LIMCH1: variants seen among roughly 807,000 people sequenced by gnomAD.
The protein encoded by LIMCH1 is LIM and calponin homology domains 1, also known as LIM and calponin homology domains-containing protein 1.
LIMCH1 carries 113 observed loss-of-function variants against 176.5 expected under a neutral mutation model. The ratio of observed to expected loss-of-function variants is 0.64; its 90% CI spans 0.55 to 0.75. LIMCH1 has a LOEUF of 0.75. Among genes scored for constraint, LIMCH1 ranks in the 30% least tolerant of loss-of-function variants. LIMCH1 has a pLI of 0.00. For missense variants in LIMCH1, 1,674 were observed against 1,814.9 expected, an observed-to-expected ratio of 0.92 and a Z score of 1.41; for synonymous variants, 619 against 645.9, an observed-to-expected ratio of 0.96 and a Z score of 0.63.
intron 31 of LIMCH1, among the ~76,000 whole-genome samples, 200 bp from the exon 32 acceptor site, chr4:41,696,960 C>T (rs984038342): frequency 2.0e-5 from 3 of 152,218 alleles, no homozygotes; most frequent in Middle Eastern, 3.4e-3. Flanking sequence ...CTTAAGAGCC[C>T]GGATTTCAAA....
Position 41,619,371 on chromosome 4 carries a change from CAG to C in LIMCH1, c.398_399del (p.Glu133GlyfsTer23), listed in dbSNP as rs2092389552. 2.5e-6 allele frequency: 4 copies of C among 1,613,892 alleles called. No individual in the cohort carries two copies. The highest frequency in any genetic ancestry group is 2.5e-6 in the Non-Finnish European group (3 of 1,180,040). Reference sequence around the variant, plus strand: ...CCCGCGCCTCTGAGAAAGAAGAAAGCAGAGAGAGAGGAATACCGCAAGAGCTG... The same window carrying C: ...CCCGCGCCTCTGAGAAAGAAGAAAGCAGAGAGAGGAATACCGCAAGAGCTG... On this transcript the variant is annotated frameshift_variant, in exon 6 of 32. Coordinates refer to ENST00000503057, the MANE Select transcript of LIMCH1 (RefSeq NM_001330672.2). LOFTEE classifies it high-confidence loss of function.
intron 1 of LIMCH1, among the ~76,000 whole-genome samples, chr4:41,403,635 G>A (rs1434727469): frequency 6.6e-6 from 1 of 152,150 alleles, no homozygotes; most frequent in East Asian, 1.9e-4. Flanking sequence ...TTTGTGTTTG[G>A]TTACTCTCCA....
chr4:41,372,213 G>A (rs1304907822), intron 1 of LIMCH1, among the ~76,000 whole-genome samples: 2 of 152,088 alleles, frequency 1.3e-5, no homozygotes, highest in Admixed American at 6.5e-5. Context: ...CCACCTTTTT[G>A]TGTAATCTTC....
intron 1 of LIMCH1, among the ~76,000 whole-genome samples, chr4:41,409,583 A>G (rs1391173587): frequency 6.6e-6 from 1 of 152,210 alleles, no homozygotes; most frequent in Non-Finnish European, 1.5e-5. Context: ...ACCTAAATGC[A>G]TCTATGTTAG....
chr4:41,409,031 C>T (rs1225141769), intron 1 of LIMCH1, among the ~76,000 whole-genome samples: 1 of 152,126 alleles, frequency 6.6e-6, no homozygotes, highest in Non-Finnish European at 1.5e-5. Context: ...TTTGCTCATC[C>T]TGACTCGCTG....
chr4:41,644,416 C>A, intron 14 of LIMCH1, 84 bp from the exon 15 acceptor site: 12 of 1,398,158 alleles, frequency 8.6e-6, no homozygotes, highest in Non-Finnish European at 1.1e-5. Flanking sequence ...CGGTAGCGCC[C>A]CCACGCGGCA....
chr4:41,644,946 T>C (rs907505524), intron 15 of LIMCH1, among the ~76,000 whole-genome samples: 4 of 152,198 alleles, frequency 2.6e-5, no homozygotes, highest in African/African-American at 7.2e-5. Flanking sequence ...AAATTGATCA[T>C]GATGATGATG....
intron 2 of LIMCH1, among the ~76,000 whole-genome samples, chr4:41,501,597 A>C (rs1386873443): frequency 6.6e-6 from 1 of 152,114 alleles, no homozygotes; most frequent in Non-Finnish European, 1.5e-5. Context: ...ATTCTATGAA[A>C]TATTTCAGTT....
chr4:41,461,102 C>CA (rs2065310372), intron 1 of LIMCH1, among the ~76,000 whole-genome samples: 1 of 152,192 alleles, frequency 6.6e-6, no homozygotes, highest in Non-Finnish European at 1.5e-5. Flanking sequence ...TTCTTCTAAA[C>CA]ACCAGCACTT....
At chr4:41,633,838 T>A in intron 13 of LIMCH1, 30 bp downstream of exon 13, 1 of 1,529,146 alleles carries the variant, frequency 6.5e-7, no homozygotes, top group Non-Finnish European at 8.8e-7. Context: ...CCCTTGTGAC[T>A]TTGTTTCTCC....
chr4:41,469,085 G>A (rs2066570464), intron 1 of LIMCH1, among the ~76,000 whole-genome samples: 1 of 152,192 alleles, frequency 6.6e-6, no homozygotes, highest in Non-Finnish European at 1.5e-5. Context: ...AGGGCCAAGA[G>A]TCATCTGTGC....
intron 18 of LIMCH1, among the ~76,000 whole-genome samples, chr4:41,660,910 G>A (rs2094595799): frequency 6.6e-6 from 1 of 152,160 alleles, no homozygotes; most frequent in Non-Finnish European, 1.5e-5. Context: ...GGAGGAGAGG[G>A]AAAAGGAGAG....
chr4:41,699,955 A>T lies in LIMCH1; in HGVS notation c.*2770A>T, dbSNP rs962379662. On this transcript the variant is annotated 3_prime_UTR_variant, in exon 32 of 32. Transcript: ENST00000503057. The stretch of plus-strand genomic sequence containing the variant: ...AAGTATTTATTCTAAAATGCCTCTG[A>T]GAAACAGTAAAAAATAAAAACAACA... 1.3e-5 allele frequency: 2 copies of T among 152,238 alleles called. No homozygotes were observed. Among genetic ancestry groups the T allele is most frequent in the Non-Finnish European group, 2.9e-5 (2 of 68,050 alleles). The allele number at this position is 152,238 out of a possible 1,614,324, so 9.4% of individuals were successfully genotyped here. A position where few individuals can be genotyped will look rare whatever the true frequency, so the allele number is the denominator to read the frequency against.
At chr4:41,475,722 G>C (rs866488965) in intron 1 of LIMCH1, among the ~76,000 whole-genome samples, 1 of 152,048 alleles carries the variant, frequency 6.6e-6, no homozygotes, top group Non-Finnish European at 1.5e-5. Flanking sequence ...GGAGGGTGGG[G>C]GGCAAGGGGA....
At chr4:41,525,261 C>A (rs1272733437) in intron 3 of LIMCH1, among the ~76,000 whole-genome samples, 1 of 152,162 alleles carries the variant, frequency 6.6e-6, no homozygotes, top group Non-Finnish European at 1.5e-5. Flanking sequence ...CACACACACA[C>A]AGAGCAGAGG....
chr4:41,378,999 T>A (rs1413592312), intron 1 of LIMCH1, among the ~76,000 whole-genome samples: 1 of 152,224 alleles, frequency 6.6e-6, no homozygotes, highest in Non-Finnish European at 1.5e-5. Context: ...TTTAGATACT[T>A]GTCAAGAAAA....
At chr4:41,656,920 G>A (rs1562111474) in intron 18 of LIMCH1, among the ~76,000 whole-genome samples, 2 of 152,160 alleles carry the variant, frequency 1.3e-5, no homozygotes, top group Non-Finnish European at 2.9e-5. Context: ...TTGCCCTCCT[G>A]CTTCACATGT....
In LIMCH1 at chr4:41,514,005, T is replaced by TAAAAAA. The variant is rs71198665; in HGVS notation, c.168-10367_168-10362dup. ...TGGGTGATAGAGAGAGACTCCGTCTTAAAAAAAAAAAAAAAAAAAAAAAAA... is the reference window on the plus strand; with the variant it reads ...TGGGTGATAGAGAGAGACTCCGTCTTAAAAAAAAAAAAAAAAAAAAAAAAAAAAAAA... On this transcript the variant is annotated intron_variant, in intron 2 of 26. Coordinates refer to the LIMCH1 transcript ENST00000313860. Among the ~76,000 whole-genome samples, 268 of 48,502 alleles carry TAAAAAA rather than the reference T, an allele frequency of 5.5e-3. 6 individuals carry two copies. Among genetic ancestry groups the TAAAAAA allele is most frequent in the Admixed American group, 0.011 (28 of 2,618 alleles). The allele number at this position is 48,502 out of a possible 152,430, so 31.8% of individuals were successfully genotyped here.
chr4:41,409,688 C>T (rs548215073), intron 1 of LIMCH1, among the ~76,000 whole-genome samples: 12 of 152,192 alleles, frequency 7.9e-5, no homozygotes, highest in South Asian at 2.1e-4. Flanking sequence ...AATGAGGTCC[C>T]GATACAGTAA....
Sources: allele counts gnomAD v4.1 joint callset (sites outside exome capture counted in the v4.1 genomes callset), GRCh38; gene constraint gnomAD v4.1.1; transcripts MANE v1.5; gene names NCBI Gene and HGNC (gene_info 2026-07-23, HGNC 2026-07-21).